CSMD1: variants seen among roughly 807,000 people sequenced by gnomAD.
CSMD1 encodes the protein CUB and sushi domain-containing protein 1.
A neutral mutation model predicts 417.5 loss-of-function variants in CSMD1; 213 were observed. That is an observed-to-expected ratio of 0.51 (90% CI 0.46 to 0.57). The LOEUF is 0.57. CSMD1 is among the 20% of genes least tolerant of loss of function. The probability of loss-of-function intolerance (pLI) is 0.00; values close to 1 mark genes in which losing one functional copy is unlikely to be tolerated. For missense variants in CSMD1, 6,923 were observed against 4,529.7 expected, an observed-to-expected ratio of 1.53 and a Z score of -15.17; for synonymous variants, 2,862 against 1,736.8, an observed-to-expected ratio of 1.65 and a Z score of -16.11.
At chr8:3,673,747 G>T (rs1447310079) in intron 7 of CSMD1, among the ~76,000 whole-genome samples, 1 of 152,162 alleles carries the variant, frequency 6.6e-6, no homozygotes, top group Non-Finnish European at 1.5e-5. Flanking sequence ...AACTATTGGA[G>T]CTATTCCCTC....
chr8:4,089,981 T>A (rs534485524), intron 3 of CSMD1, among the ~76,000 whole-genome samples: 28 of 152,330 alleles, frequency 1.8e-4, no homozygotes, highest in African/African-American at 6.3e-4. Flanking sequence ...AATGCCGCTA[T>A]AATGGAAACC....
At chr8:4,688,551 T>G (rs1260310915) in intron 1 of CSMD1, among the ~76,000 whole-genome samples, 2 of 152,176 alleles carry the variant, frequency 1.3e-5, no homozygotes, top group Admixed American at 1.3e-4. Flanking sequence ...GGCTCTTAAT[T>G]AAATGGTCTC....
intron 1 of CSMD1, among the ~76,000 whole-genome samples, chr8:4,908,993 C>A (rs1015863225): frequency 6.6e-6 from 1 of 152,116 alleles, no homozygotes; most frequent in Non-Finnish European, 1.5e-5. Context: ...TTCTCGTTTT[C>A]TTTTTGGTAA....
intron 46 of CSMD1, among the ~76,000 whole-genome samples, chr8:3,104,717 T>G (rs1456157471): frequency 2.7e-5 from 4 of 150,828 alleles, no homozygotes; most frequent in South Asian, 4.2e-4. Flanking sequence ...TTTCTTTTTT[T>G]TTTTTTTTGA....
chr8:3,631,428 C>A (rs192689638), intron 7 of CSMD1, among the ~76,000 whole-genome samples: 70 of 152,260 alleles, frequency 4.6e-4, no homozygotes, highest in Admixed American at 2.8e-3. Flanking sequence ...GAGCCTGGAG[C>A]GTTGTGAACA....
chr8:4,335,473 G>C (rs1251205261), intron 3 of CSMD1, among the ~76,000 whole-genome samples: 3 of 152,004 alleles, frequency 2.0e-5, no homozygotes, highest in Admixed American at 2.0e-4. Context: ...AATTTATATG[G>C]ACTCCAGAAT....
chr8:3,082,914 G>A (rs766541576), intron 49 of CSMD1, among the ~76,000 whole-genome samples: 4 of 152,088 alleles, frequency 2.6e-5, no homozygotes, highest in Non-Finnish European at 5.9e-5. Context: ...GCTTTATATC[G>A]AATGTGAACA....
At chr8:4,048,206 G>C (rs564924946) in intron 3 of CSMD1, among the ~76,000 whole-genome samples, 2 of 152,212 alleles carry the variant, frequency 1.3e-5, no homozygotes, top group African/African-American at 4.8e-5. Flanking sequence ...TTTTCATATT[G>C]AATAACATAC....
At chr8:4,987,923 G>A (rs1227108521) in intron 1 of CSMD1, among the ~76,000 whole-genome samples, 2 of 152,162 alleles carry the variant, frequency 1.3e-5, no homozygotes, top group East Asian at 3.9e-4. Context: ...GGGGTGTCTT[G>A]GACTTTAGGC....
chr8:3,628,499 C>G (rs1796604183), intron 7 of CSMD1, among the ~76,000 whole-genome samples: 2 of 152,178 alleles, frequency 1.3e-5, no homozygotes, highest in African/African-American at 2.4e-5. Flanking sequence ...AGAACTTTAG[C>G]TATGATGCAC....
intron 18 of CSMD1, among the ~76,000 whole-genome samples, chr8:3,375,590 T>G (rs1355593150): frequency 6.6e-6 from 1 of 152,160 alleles, no homozygotes; most frequent in African/African-American, 2.4e-5. Flanking sequence ...TGTTCACATA[T>G]TTATTTATAA....
intron 25 of CSMD1, among the ~76,000 whole-genome samples, chr8:3,306,826 C>CTTACT (rs1252715659): frequency 3.6e-5 from 1 of 27,600 alleles, no homozygotes; most frequent in Non-Finnish European, 8.3e-5. Context: ...TCACCAAGAG[C>CTTACT]TTACTTTAAA....
Position 3,226,076 on chromosome 8 carries a change from C to T in CSMD1, c.4346-2209G>A, listed in dbSNP as rs544397672. On this transcript the variant is annotated intron_variant, in intron 27 of 69. Transcript: ENST00000635120. ...TTAACGAGACCCATCTACGTTTCTG[C>T]ATTAAAACATTTGAATGTTCACACC... Among the ~76,000 whole-genome samples, 221 of 152,298 alleles carry T rather than the reference C, an allele frequency of 1.5e-3. 1 individual carries two copies. The highest frequency in any genetic ancestry group is 2.7e-3 in the Non-Finnish European group (187 of 68,032).
chr8:4,987,771 C>T (rs1407828291), intron 1 of CSMD1, among the ~76,000 whole-genome samples: 3 of 152,186 alleles, frequency 2.0e-5, no homozygotes, highest in African/African-American at 7.2e-5. Context: ...AGCTCATCAA[C>T]TGTCATCTTG....
intron 1 of CSMD1, among the ~76,000 whole-genome samples, chr8:4,993,060 G>T (rs1022124640): frequency 6.6e-6 from 1 of 152,196 alleles, no homozygotes; most frequent in African/African-American, 2.4e-5. Context: ...GTTTCCTAAT[G>T]AACCAGATAC....
intron 49 of CSMD1, among the ~76,000 whole-genome samples, chr8:3,067,520 C>A (rs1455093225): frequency 6.6e-6 from 1 of 151,858 alleles, no homozygotes; most frequent in Non-Finnish European, 1.5e-5. Flanking sequence ...AACTGAGAAT[C>A]AGAATTTAAA....
intron 3 of CSMD1, among the ~76,000 whole-genome samples, chr8:4,150,978 G>C (rs140963501): frequency 5.9e-5 from 9 of 152,106 alleles, no homozygotes; most frequent in Non-Finnish European, 1.3e-4. Flanking sequence ...CCAGATACAG[G>C]ACTAGACATT....
intron 2 of CSMD1, among the ~76,000 whole-genome samples, chr8:4,543,318 C>T (rs909283643): frequency 3.3e-5 from 5 of 152,142 alleles, no homozygotes; most frequent in African/African-American, 7.2e-5. Context: ...TCCTCCACCC[C>T]CTGGCAACCA....
rs760689584 is a variant in CSMD1 at position 2,949,395 on chromosome 8, T to TATGAAAGAAA, written c.10315-10_10315-9insTTTCTTTCAT. 1 of 729,272 alleles carries TATGAAAGAAA rather than the reference T, an allele frequency of 1.4e-6. No individual in the cohort carries two copies. The highest frequency in any genetic ancestry group is 3.4e-5 in the East Asian group (1 of 29,746). 45.2% of individuals were successfully genotyped at this position (729,272 alleles called of 1,614,324 possible). A position where few individuals can be genotyped will look rare whatever the true frequency, so the allele number is the denominator to read the frequency against. On this transcript the variant is annotated splice_polypyrimidine_tract_variant and intron_variant, in intron 67 of 69. Coordinates refer to ENST00000635120, the MANE Select transcript of CSMD1 (RefSeq NM_033225.6). ...TCAAGTCCAGATGACACCTGACACA[T>TATGAAAGAAA]AGGAAAGAAAAGAAAAGAAATAAAA...
Sources: allele counts gnomAD v4.1 joint callset (sites outside exome capture counted in the v4.1 genomes callset), GRCh38; gene constraint gnomAD v4.1.1; transcripts MANE v1.5; gene names NCBI Gene and HGNC (gene_info 2026-07-23, HGNC 2026-07-21).